CSMD3: variants seen among roughly 807,000 people sequenced by gnomAD.
CSMD3 encodes the protein CUB and sushi domain-containing protein 3.
Under a neutral mutation model 435.2 loss-of-function variants are expected in CSMD3, and 177 were observed. That is an observed-to-expected ratio of 0.41 (90% CI 0.36 to 0.46). The LOEUF (loss-of-function observed/expected upper bound fraction) is 0.46, where lower values mean the gene tolerates loss of function less well. CSMD3 is among the 20% of genes least tolerant of loss of function. The pLI is 0.34. For missense variants in CSMD3, 4,265 were observed against 4,504.6 expected (o/e 0.95, Z 1.52); for synonymous variants, 1,656 against 1,520.5 (o/e 1.09, Z -2.07).
At chr8:112,851,484 G>T (rs1587476414) in intron 11 of CSMD3, among the ~76,000 whole-genome samples, 1 of 151,990 alleles carries the variant, frequency 6.6e-6, no homozygotes, top group Non-Finnish European at 1.5e-5. Context: ...AAGGACCTTT[G>T]AGCCGGGCGC....
At chr8:112,775,725 C>G (rs1228543262) in intron 13 of CSMD3, among the ~76,000 whole-genome samples, 1 of 151,868 alleles carries the variant, frequency 6.6e-6, no homozygotes, top group Non-Finnish European at 1.5e-5. Context: ...ACTTAACCCA[C>G]TTTGCCAATC....
At chr8:113,163,872 G>T (rs889497146) in intron 4 of CSMD3, among the ~76,000 whole-genome samples, 1 of 151,932 alleles carries the variant, frequency 6.6e-6, no homozygotes, top group South Asian at 2.1e-4. Context: ...TTATATGTCA[G>T]TAAAAAGAGG....
intron 4 of CSMD3, among the ~76,000 whole-genome samples, chr8:113,156,964 CAG>C (rs907398341): frequency 4.7e-5 from 7 of 149,702 alleles, no homozygotes; most frequent in South Asian, 2.1e-4. Flanking sequence ...GAGACAGAGA[CAG>C]AGAGAGAGAG....
intron 20 of CSMD3, 146 bp from the exon 21 acceptor site, chr8:112,639,057 T>C (rs532403495): frequency 9.6e-6 from 6 of 625,720 alleles, no homozygotes; most frequent in South Asian, 2.0e-5. Flanking sequence ...TCCAAATATA[T>C]GTTATATTAT....
intron 13 of CSMD3, among the ~76,000 whole-genome samples, chr8:112,714,476 C>T (rs2076680887): frequency 6.6e-6 from 1 of 151,894 alleles, no homozygotes; most frequent in African/African-American, 2.4e-5. Context: ...CAATAATAGT[C>T]AGAGATTTAA....
At chr8:112,439,989 A>C (rs565786876) in intron 32 of CSMD3, among the ~76,000 whole-genome samples, 1 of 152,256 alleles carries the variant, frequency 6.6e-6, no homozygotes, top group African/African-American at 2.4e-5. Context: ...ATGTCCTCAC[A>C]TTTGGAATAA....
intron 31 of CSMD3, among the ~76,000 whole-genome samples, chr8:112,485,428 A>G (rs1820029077): frequency 6.6e-6 from 1 of 152,112 alleles, no homozygotes; most frequent in African/African-American, 2.4e-5. Context: ...TATTTAAATG[A>G]TTTCAAATGC....
intron 5 of CSMD3, among the ~76,000 whole-genome samples, chr8:113,069,016 C>A (rs1471959748): frequency 7.3e-6 from 1 of 136,642 alleles, no homozygotes; most frequent in Non-Finnish European, 1.5e-5. Flanking sequence ...GCAACTTAAC[C>A]AAGGTTTCAA....
chr8:113,391,240 T>C lies in CSMD3; in HGVS notation c.178+45437A>G, dbSNP rs536801101. Among the ~76,000 whole-genome samples, 8 of 152,152 alleles carry C rather than the reference T, an allele frequency of 5.3e-5. No homozygotes were observed. The South Asian group carries it at 1.2e-3, about 24-fold the overall frequency. ...CAAGTGAAACAAAAGTTGACCTAGA[T>C]GGAGGAACTAAGAATAGGCACTACT... On this transcript the variant is annotated intron_variant, in intron 1 of 70. Coordinates refer to ENST00000297405, the MANE Select transcript of CSMD3 (RefSeq NM_198123.2).
At chr8:112,950,544 T>C (rs2083771147) in intron 8 of CSMD3, among the ~76,000 whole-genome samples, 1 of 152,028 alleles carries the variant, frequency 6.6e-6, no homozygotes, top group South Asian at 2.1e-4. Context: ...TTATATAAAT[T>C]TAAATGATAG....
At chr8:112,982,129 T>C (rs537750456) in intron 6 of CSMD3, among the ~76,000 whole-genome samples, 1 of 152,040 alleles carries the variant, frequency 6.6e-6, no homozygotes, top group East Asian at 1.9e-4. Flanking sequence ...AGTATCACTT[T>C]AATTTTTCAT....
intron 31 of CSMD3, among the ~76,000 whole-genome samples, chr8:112,475,058 G>A (rs1706557007): frequency 6.6e-6 from 1 of 152,124 alleles, no homozygotes; most frequent in African/African-American, 2.4e-5. Context: ...TCAAGAATGG[G>A]CAGTATGTCT....
chr8:113,422,752 A>G (rs1423926494), intron 1 of CSMD3, among the ~76,000 whole-genome samples: 2 of 151,314 alleles, frequency 1.3e-5, no homozygotes, highest in Non-Finnish European at 2.9e-5. Flanking sequence ...GAGAGAGACG[A>G]AAAAAAATGT....
At chr8:112,900,843 C>A (rs1197995310) in intron 10 of CSMD3, among the ~76,000 whole-genome samples, 1 of 151,174 alleles carries the variant, frequency 6.6e-6, no homozygotes, top group African/African-American at 2.4e-5. Context: ...ATAAATGGTC[C>A]TCCACTTTAT....
chr8:113,357,122 C>T (rs1377002915), intron 1 of CSMD3, among the ~76,000 whole-genome samples: 1 of 152,014 alleles, frequency 6.6e-6, no homozygotes, highest in African/African-American at 2.4e-5. Flanking sequence ...ATTATTAAAC[C>T]ATCTTGTTTG....
chr8:112,776,320 G>GT (rs532087416), intron 13 of CSMD3, among the ~76,000 whole-genome samples: 213 of 151,702 alleles, frequency 1.4e-3, no homozygotes, highest in African/African-American at 5.0e-3. Flanking sequence ...ATATTTCTCA[G>GT]TTTTTTTATT....
At position 112,804,662 on chromosome 8, in the gene CSMD3, TTTA is replaced by T. The variant is rs1359913482; in HGVS notation, c.1860-4391_1860-4389del. The stretch of plus-strand genomic sequence containing the variant: ...TGCTAACTCATTGCATTTATTTTAT[TTTA>T]TTTTATTTTATTTTTTTTGAGATGA... On this transcript the variant is annotated intron_variant, in intron 12 of 70. Coordinates refer to ENST00000297405, the MANE Select transcript of CSMD3 (RefSeq NM_198123.2). Among the ~76,000 whole-genome samples, 3 of 150,766 alleles carry T rather than the reference TTTA, an allele frequency of 2.0e-5. No individual in the cohort carries two copies. In the Admixed American group the frequency reaches 2.0e-4, roughly 10 times the overall value.
intron 10 of CSMD3, among the ~76,000 whole-genome samples, chr8:112,866,351 G>C (rs1287746414): frequency 6.6e-6 from 1 of 152,052 alleles, no homozygotes; most frequent in Non-Finnish European, 1.5e-5. Flanking sequence ...AGCCTAATAT[G>C]ATAATATGAT....
At chr8:112,367,801 C>T (rs1182403060) in intron 38 of CSMD3, among the ~76,000 whole-genome samples, 1 of 152,170 alleles carries the variant, frequency 6.6e-6, no homozygotes, top group East Asian at 1.9e-4. Context: ...TTCAATGAGG[C>T]TACTCTTTCT....
Sources: allele counts gnomAD v4.1 joint callset (sites outside exome capture counted in the v4.1 genomes callset), GRCh38; gene constraint gnomAD v4.1.1; transcripts MANE v1.5; gene names NCBI Gene and HGNC (gene_info 2026-07-23, HGNC 2026-07-21).